Variants in GRAMD1B observed in about 807,000 individuals in gnomAD.
GRAMD1B encodes the protein protein Aster-B.
GRAMD1B carries 37 observed loss-of-function variants against 99.7 expected under a neutral mutation model. The ratio of observed to expected loss-of-function variants is 0.37; its 90% CI spans 0.29 to 0.49. The LOEUF (loss-of-function observed/expected upper bound fraction) is 0.49. Ranked by LOEUF, GRAMD1B falls within the 20% of genes least tolerant of loss-of-function variation. The pLI is 0.98. For synonymous variants in GRAMD1B, 427 were observed against 387.6 expected (o/e 1.10, Z -1.19); for missense variants, 888 against 1,009.2 (o/e 0.88, Z 1.63).
chr11:123,386,754 C>G (rs1947075425), intron 1 of GRAMD1B, among the ~76,000 whole-genome samples: 1 of 152,176 alleles, frequency 6.6e-6, no homozygotes, highest in Non-Finnish European at 1.5e-5. Context: ...CAGCCTCACA[C>G]TATACTTCTT....
At chr11:123,479,843 A>G (rs948955169) in intron 1 of GRAMD1B, among the ~76,000 whole-genome samples, 1 of 152,176 alleles carries the variant, frequency 6.6e-6, no homozygotes, top group Non-Finnish European at 1.5e-5. Context: ...TAAATTTCAC[A>G]TCATTTTCAC....
chr11:123,451,280 A>G (rs972285106), intron 1 of GRAMD1B, among the ~76,000 whole-genome samples: 1 of 152,226 alleles, frequency 6.6e-6, no homozygotes, highest in African/African-American at 2.4e-5. Context: ...AGCGTATGGC[A>G]TGACAATCTA....
chr11:123,543,459 A>G (rs1944748404), intron 2 of GRAMD1B, among the ~76,000 whole-genome samples: 1 of 152,226 alleles, frequency 6.6e-6, no homozygotes, highest in African/African-American at 2.4e-5. Flanking sequence ...GGGGGTGGCC[A>G]TTCAACCCTC....
At chr11:123,377,857 T>A (rs529412182) in intron 1 of GRAMD1B, among the ~76,000 whole-genome samples, 1 of 152,342 alleles carries the variant, frequency 6.6e-6, no homozygotes, top group African/African-American at 2.4e-5. Flanking sequence ...ATGAAATGGA[T>A]CGCCTTCCAC....
intron 1 of GRAMD1B, among the ~76,000 whole-genome samples, chr11:123,478,359 CAT>C (rs1221392743): frequency 6.6e-6 from 1 of 152,212 alleles, no homozygotes; most frequent in African/African-American, 2.4e-5. Flanking sequence ...TTCGTGTACA[CAT>C]AGCGTGATGT....
chr11:123,504,773 C>T (rs2135215032), intron 2 of GRAMD1B, among the ~76,000 whole-genome samples: 2 of 152,308 alleles, frequency 1.3e-5, no homozygotes, highest in Middle Eastern at 6.8e-3. Flanking sequence ...CCTCCGCCTA[C>T]CAGGTTCAAG....
At chr11:123,387,377 A>G (rs1309599963) in intron 1 of GRAMD1B, among the ~76,000 whole-genome samples, 1 of 152,110 alleles carries the variant, frequency 6.6e-6, no homozygotes, top group African/African-American at 2.4e-5. Flanking sequence ...GCCTACACAC[A>G]TGTACATGAG....
intron 1 of GRAMD1B, among the ~76,000 whole-genome samples, chr11:123,424,153 T>A (rs1410349954): frequency 6.6e-6 from 1 of 151,982 alleles, no homozygotes; most frequent in Non-Finnish European, 1.5e-5. Flanking sequence ...CCTAATTGGT[T>A]TTTATGGTTC....
chr11:123,403,608 A>G lies in GRAMD1B; in HGVS notation c.-176+44809A>G, dbSNP rs977829648. 9.2e-5 allele frequency among the ~76,000 whole-genome samples: 14 copies of G among 151,760 alleles called. No homozygotes were observed. The East Asian group carries it at 1.2e-3, about 13-fold the overall frequency. ...CCCAGGCTGGAGTGCAGTGGCAGCA[A>G]TCTCGGCTCACTACAACCTCTGCCT... On this transcript the variant is annotated intron_variant, in intron 1 of 20. Coordinates refer to the GRAMD1B transcript ENST00000638157.
At chr11:123,533,276 A>T (rs1443666219) in intron 2 of GRAMD1B, among the ~76,000 whole-genome samples, 2 of 151,276 alleles carry the variant, frequency 1.3e-5, no homozygotes, top group African/African-American at 4.9e-5. Context: ...TGGCCTGTTT[A>T]TTAATTCTTA....
At chr11:123,495,142 C>A in intron 2 of GRAMD1B, among the ~76,000 whole-genome samples, 1 of 147,980 alleles carries the variant, frequency 6.8e-6, no homozygotes, top group Non-Finnish European at 1.5e-5. Context: ...CACACACAGA[C>A]ACACATACAC....
chr11:123,608,627 CTG>C (rs1391508576), intron 11 of GRAMD1B, 30 bp from the exon 12 acceptor site: 1 of 1,570,794 alleles, frequency 6.4e-7, no homozygotes, highest in African/African-American at 1.4e-5. Context: ...TCCGCTGTCA[CTG>C]TCTACTTCCT....
chr11:123,373,395 G>A (rs1946591968), intron 1 of GRAMD1B, among the ~76,000 whole-genome samples: 1 of 152,242 alleles, frequency 6.6e-6, no homozygotes, highest in Non-Finnish European at 1.5e-5. Flanking sequence ...TCTGTGATCT[G>A]CCCAGAAGAG....
At chr11:123,427,396 A>G (rs368284378), upstream of GRAMD1B, among the ~76,000 whole-genome samples, 101 of 152,328 alleles carry the variant, frequency 6.6e-4, no homozygotes, top group Middle Eastern at 3.4e-3. Flanking sequence ...GCCGCTGGGA[A>G]GACACAGTGT....
chr11:123,572,510 C>T (rs902553947), intron 2 of GRAMD1B, among the ~76,000 whole-genome samples: 1 of 152,198 alleles, frequency 6.6e-6, no homozygotes, highest in African/African-American at 2.4e-5. Flanking sequence ...AGTTTCAGGA[C>T]TCTAGCAAGT....
At chr11:123,622,382 CTCTTTTCAG>C in intron 19 of GRAMD1B, 115 bp from the exon 20 acceptor site, 1 of 646,894 alleles carries the variant, frequency 1.5e-6, no homozygotes. Flanking sequence ...AGGTGCCCGA[CTCTTTTCAG>C]CCCCATGGCG....
intron 1 of GRAMD1B, among the ~76,000 whole-genome samples, chr11:123,463,215 G>A (rs1056381818): frequency 2.0e-5 from 3 of 152,136 alleles, no homozygotes; most frequent in Non-Finnish European, 2.9e-5. Flanking sequence ...GTTTCACCAC[G>A]TTGGCCAGGC....
intron 1 of GRAMD1B, among the ~76,000 whole-genome samples, chr11:123,478,282 G>A (rs1006894687): frequency 2.0e-5 from 3 of 152,222 alleles, no homozygotes; most frequent in Non-Finnish European, 4.4e-5. Context: ...AAAGTGCTGG[G>A]ATTACAGGCA....
intron 1 of GRAMD1B, among the ~76,000 whole-genome samples, chr11:123,452,575 G>A (rs1315144487): frequency 1.3e-5 from 2 of 152,136 alleles, no homozygotes; most frequent in Non-Finnish European, 2.9e-5. Flanking sequence ...GAACCTGGGA[G>A]GTGGAGGTTG....
Sources: allele counts gnomAD v4.1 joint callset (sites outside exome capture counted in the v4.1 genomes callset), GRCh38; gene constraint gnomAD v4.1.1; transcripts MANE v1.5; gene names NCBI Gene and HGNC (gene_info 2026-07-23, HGNC 2026-07-21).